Variants in EMCN observed in about 807,000 individuals in gnomAD.
EMCN encodes the protein MUC-14.
EMCN carries 37 observed loss-of-function variants against 38.4 expected under a neutral mutation model. The ratio of observed to expected loss-of-function variants is 0.96; its 90% CI spans 0.74 to 1.27. The LOEUF is 1.27. Among genes scored for constraint, EMCN ranks in the 50% most tolerant of loss-of-function variants. The probability of loss-of-function intolerance (pLI) is 0.00; values close to 1 mark genes in which losing one functional copy is unlikely to be tolerated. For missense variants in EMCN, 318 were observed against 302.8 expected, an observed-to-expected ratio of 1.05 and a Z score of -0.37; for synonymous variants, 95 against 100.8, an observed-to-expected ratio of 0.94 and a Z score of 0.35.
intron 7 of EMCN, 27 bp downstream of exon 7, chr4:100,422,994 A>G: frequency 6.2e-7 from 1 of 1,609,074 alleles, no homozygotes; most frequent in South Asian, 1.1e-5. Flanking sequence ...ATCTACTGCC[A>G]TGAATGAAGG....
At chr4:100,417,618 T>C (rs1726772132) in intron 8 of EMCN, among the ~76,000 whole-genome samples, 1 of 152,216 alleles carries the variant, frequency 6.6e-6, no homozygotes, top group Admixed American at 6.5e-5. Flanking sequence ...TATCTAATTG[T>C]ATCTTAAACC....
intron 2 of EMCN, among the ~76,000 whole-genome samples, chr4:100,477,436 A>T (rs1728691720): frequency 6.6e-6 from 1 of 152,198 alleles, no homozygotes; most frequent in Non-Finnish European, 1.5e-5. Flanking sequence ...TAATTGGGTG[A>T]ATCTCTGAGA....
intron 5 of EMCN, among the ~76,000 whole-genome samples, chr4:100,425,793 C>T (rs1727029152): frequency 6.6e-6 from 1 of 152,088 alleles, no homozygotes; most frequent in African/African-American, 2.4e-5. Context: ...ATATGAACTT[C>T]AGCCACTTCT....
intron 11 of EMCN, among the ~76,000 whole-genome samples, chr4:100,408,172 A>G (rs1406793108): frequency 1.3e-5 from 2 of 152,078 alleles, no homozygotes; most frequent in African/African-American, 4.8e-5. Flanking sequence ...CAATCTTCTG[A>G]TTTTCAGTGA....
chr4:100,455,105 CTG>C (rs1727973092), intron 4 of EMCN, among the ~76,000 whole-genome samples: 2 of 151,850 alleles, frequency 1.3e-5, no homozygotes, highest in African/African-American at 4.8e-5. Context: ...CATCTGTTCT[CTG>C]TTTCTTTTTT....
intron 5 of EMCN, among the ~76,000 whole-genome samples, chr4:100,432,888 A>G (rs1373387008): frequency 1.3e-5 from 2 of 152,148 alleles, no homozygotes; most frequent in Non-Finnish European, 2.9e-5. Context: ...ACATGATATT[A>G]TGAGATATAT....
At chr4:100,474,330 A>G (rs568262523) in intron 3 of EMCN, among the ~76,000 whole-genome samples, 48 of 152,306 alleles carry the variant, frequency 3.2e-4, no homozygotes, top group African/African-American at 1.1e-3. Context: ...GTTCACACCC[A>G]CTGAGATAAT....
At chr4:100,404,294 T>G (rs1726336768) in intron 11 of EMCN, among the ~76,000 whole-genome samples, 1 of 152,082 alleles carries the variant, frequency 6.6e-6, no homozygotes, top group East Asian at 1.9e-4. Context: ...ATCCCAGCAC[T>G]ATTCCTTGAA....
At chr4:100,513,377 G>A (rs755315469) in intron 1 of EMCN, among the ~76,000 whole-genome samples, 25 of 152,200 alleles carry the variant, frequency 1.6e-4, no homozygotes, top group African/African-American at 3.9e-4. Flanking sequence ...AGCAACTCAC[G>A]TTACCTGTAA....
chr4:100,503,795 A>G (rs1729409540), intron 1 of EMCN, among the ~76,000 whole-genome samples: 1 of 152,126 alleles, frequency 6.6e-6, no homozygotes, highest in Non-Finnish European at 1.5e-5. Flanking sequence ...AAAGATACAG[A>G]TATTTTATTT....
intron 8 of EMCN, among the ~76,000 whole-genome samples, chr4:100,420,906 G>C (rs1196880676): frequency 6.6e-6 from 1 of 151,994 alleles, no homozygotes; most frequent in East Asian, 1.9e-4. Context: ...ATGGGCCCCT[G>C]AGCTGAATTC....
chr4:100,417,424 G>A (rs1187384692), intron 8 of EMCN, among the ~76,000 whole-genome samples: 1 of 152,036 alleles, frequency 6.6e-6, no homozygotes, highest in Non-Finnish European at 1.5e-5. Flanking sequence ...TGAAATTACT[G>A]TTCATTATTG....
chr4:100,488,869 T>A (rs1313770597), intron 1 of EMCN, among the ~76,000 whole-genome samples: 3 of 152,212 alleles, frequency 2.0e-5, no homozygotes, highest in Non-Finnish European at 2.9e-5. Flanking sequence ...TTTTAAAAGT[T>A]ATTTTTACCT....
chr4:100,486,515 T>G (rs1728946969), intron 1 of EMCN, among the ~76,000 whole-genome samples: 1 of 152,020 alleles, frequency 6.6e-6, no homozygotes, highest in Non-Finnish European at 1.5e-5. Flanking sequence ...GTTCTGAGAG[T>G]GTTTAAATTT....
intron 8 of EMCN, 29 bp downstream of exon 8, chr4:100,421,253 G>C: frequency 6.3e-7 from 1 of 1,585,548 alleles, no homozygotes; most frequent in Non-Finnish European, 8.7e-7. Context: ...TCTTCTTTCA[G>C]GAAAACAAAA....
At chr4:100,485,673 A>G (rs900382944) in intron 1 of EMCN, among the ~76,000 whole-genome samples, 2 of 152,006 alleles carry the variant, frequency 1.3e-5, no homozygotes, top group Non-Finnish European at 2.9e-5. Flanking sequence ...ATTTGCATCA[A>G]ATAGTCTTCA....
chr4:100,453,352 G>A (rs1727903894), intron 4 of EMCN, among the ~76,000 whole-genome samples: 1 of 152,078 alleles, frequency 6.6e-6, no homozygotes, highest in South Asian at 2.1e-4. Flanking sequence ...CCATCAAAAA[G>A]TGGGCAAAGG....
rs77178132 is a variant in EMCN at position 100,458,784 on chromosome 4, C to A, written c.376+6639G>T. ...CCCAAAATGACTCCTCCCTTCTTTG[C>A]AGCTGGTGCTTACTCCTCAAAACTT... On this transcript the variant is annotated intron_variant, in intron 4 of 11. Transcript: ENST00000296420. Among the ~76,000 whole-genome samples the A allele has an allele frequency of 1.3e-5, 2 of 152,126 alleles. 1 individual carries two copies. The highest frequency in any genetic ancestry group is 4.1e-4 in the South Asian group (2 of 4,822).
intron 1 of EMCN, among the ~76,000 whole-genome samples, chr4:100,496,650 T>C (rs1249460053): frequency 6.6e-6 from 1 of 152,192 alleles, no homozygotes; most frequent in Non-Finnish European, 1.5e-5. Context: ...TTAACTATGA[T>C]GGTTTCATGC....
Sources: allele counts gnomAD v4.1 joint callset (sites outside exome capture counted in the v4.1 genomes callset), GRCh38; gene constraint gnomAD v4.1.1; transcripts MANE v1.5; gene names NCBI Gene and HGNC (gene_info 2026-07-23, HGNC 2026-07-21).